Variants in LEMD1 observed in about 807,000 individuals in gnomAD.
LEMD1 encodes LEM domain-containing protein 1.
A neutral mutation model predicts 17.4 loss-of-function variants in LEMD1; 18 were observed. That is an observed-to-expected ratio of 1.04 (90% CI 0.72 to 1.54). LEMD1 has a LOEUF of 1.54. Among genes scored for constraint, LEMD1 ranks in the 40% most tolerant of loss-of-function variants. The probability of loss-of-function intolerance (pLI) is 0.00; values close to 1 mark genes in which losing one functional copy is unlikely to be tolerated. For synonymous variants in LEMD1, 88 were observed against 77.8 expected (o/e 1.13, Z -0.69); for missense variants, 195 against 210.4 (o/e 0.93, Z 0.45).
In LEMD1 at chr1:205,411,207, A is replaced by G. The variant is rs370993256; in HGVS notation, c.270+5025T>C. ...GAAGGAAAGGAAGGAAGGAAGGAAG[A>G]AAGAAAGAAAGGAAGGAAGGAGGGA... On this transcript the variant is annotated intron_variant, in intron 4 of 5. Coordinates refer to ENST00000367153, the MANE Select transcript of LEMD1 (RefSeq NM_001199050.2). Among the ~76,000 whole-genome samples the G allele has an allele frequency of 8.4e-3, 1,201 of 143,446 alleles. 4 individuals carry two copies. Among genetic ancestry groups the G allele is most frequent in the South Asian group, 0.017 (73 of 4,308 alleles). 94.1% of individuals were successfully genotyped at this position (143,446 alleles called of 152,430 possible).
At chr1:205,424,992 C>T (rs564596455), upstream of LEMD1, among the ~76,000 whole-genome samples, 42 of 152,250 alleles carry the variant, frequency 2.8e-4, no homozygotes, top group African/African-American at 9.4e-4. Flanking sequence ...GGAAGACACA[C>T]GATTCATGAA....
At chr1:205,435,537 G>T (rs189496713) in intron 1 of LEMD1, 1 of 152,246 alleles carries the variant, frequency 6.6e-6, no homozygotes, top group East Asian at 1.9e-4. Flanking sequence ...TTTGGTGGAG[G>T]GACAGAAGAA....
At chr1:205,381,938 G>T in intron 5 of LEMD1, 82 bp from the exon 6 acceptor site, 1 of 1,325,360 alleles carries the variant, frequency 7.5e-7, no homozygotes, top group Non-Finnish European at 1.1e-6. Context: ...GGGTCTTGAA[G>T]CCCAAGGGTG....
rs768272291 is a variant in LEMD1, at chr1:205,381,724, C to T, written c.480G>A (p.Val160=). 11 of 1,614,112 alleles carry T rather than the reference C, an allele frequency of 6.8e-6. No individual in the cohort carries two copies. The African/African-American group carries it at 1.1e-4, about 16-fold the overall frequency. The change falls in exon 6 of 6, where the codon GTG becomes GTA. Residue 160 remains valine (V), a synonymous_variant. Coordinates refer to ENST00000367153, the MANE Select transcript of LEMD1 (RefSeq NM_001199050.2). ...ACACCACAATGATGAAAATACCAAG[C>T]ACAGCAAGCTTCAAGCCCACTGGGA... ...EGFPVGLKLA[V]LGIFIIVVFV...
chr1:205,426,433 G>A (rs1249744822), upstream of LEMD1, among the ~76,000 whole-genome samples: 1 of 152,198 alleles, frequency 6.6e-6, no homozygotes, highest in Non-Finnish European at 1.5e-5. Context: ...TACCAATAGA[G>A]TGGTAGCCAT....
intron 2 of LEMD1, among the ~76,000 whole-genome samples, chr1:205,419,765 C>G (rs182517849): frequency 4.6e-5 from 7 of 152,166 alleles, no homozygotes; most frequent in Non-Finnish European, 8.8e-5. Flanking sequence ...TGCGCCCTGC[C>G]CAATTACGGC....
In LEMD1 at chr1:205,433,371, C is replaced by T. The variant is rs868502600; in HGVS notation, c.-38-12797G>A. 6.6e-5 allele frequency among the ~76,000 whole-genome samples: 10 copies of T among 152,176 alleles called. No individual in the cohort carries two copies. The East Asian group carries it at 7.8e-4, about 12-fold the overall frequency. ...ACTTGGGAGGCTGAGGCAGGAGAAT[C>T]GCTTGAGCCCAACAGGCAGAGGTTG... On this transcript the variant is annotated intron_variant, in intron 1 of 3. Coordinates refer to the LEMD1 transcript ENST00000367154.
In LEMD1 at chr1:205,381,693, A is replaced by C. The variant is rs1663700995; in HGVS notation, c.511T>G (p.Tyr171Asp). 6 of 1,614,138 alleles carry C rather than the reference A, an allele frequency of 3.7e-6. No homozygotes were observed. Among genetic ancestry groups the C allele is most frequent in the Non-Finnish European group, 5.1e-6 (6 of 1,180,048 alleles). Residue 171 changes from tyrosine to aspartate, a missense_variant, in exon 6 of 6, where the codon TAC becomes GAC. Physicochemically the swap from Tyr to Asp is radical, Grantham distance 160. Transcript: ENST00000367153. ...AGCGACTTATTTTCCACAGTCAGGTAGACAAACACCACAATGATGAAAATA... is the reference window on the plus strand; with the variant it reads ...AGCGACTTATTTTCCACAGTCAGGTCGACAAACACCACAATGATGAAAATA... ...LGIFIIVVFVYLTVENKSLFG is the reference protein window; with the variant it reads ...LGIFIIVVFVDLTVENKSLFG
intron 4 of LEMD1, among the ~76,000 whole-genome samples, chr1:205,392,541 T>TAA (rs375949621): frequency 6.7e-6 from 1 of 148,404 alleles, no homozygotes; most frequent in African/African-American, 2.5e-5. Context: ...AATCCCGCCT[T>TAA]AAAAAAAAAC....
intron 1 of LEMD1, among the ~76,000 whole-genome samples, chr1:205,432,232 G>A (rs926599903): frequency 1.3e-5 from 2 of 152,250 alleles, no homozygotes; most frequent in Non-Finnish European, 2.9e-5. Context: ...GCATAAGTGT[G>A]TGTAGACATG....
At chr1:205,424,598 G>T (rs1476493475), upstream of LEMD1, among the ~76,000 whole-genome samples, 1 of 152,186 alleles carries the variant, frequency 6.6e-6, no homozygotes, top group Non-Finnish European at 1.5e-5. Context: ...AGAGTGAAAA[G>T]AATGCTGCAG....
chr1:205,426,413 C>T (rs186385715), upstream of LEMD1, among the ~76,000 whole-genome samples: 3 of 152,306 alleles, frequency 2.0e-5, no homozygotes, highest in East Asian at 5.8e-4. Flanking sequence ...AGTGAAAGTT[C>T]ATAATCAAAT....
At chr1:205,435,877 C>G (rs1362205121) in intron 1 of LEMD1, 1 of 152,222 alleles carries the variant, frequency 6.6e-6, no homozygotes, top group East Asian at 1.9e-4. Flanking sequence ...TTCCCCCTGG[C>G]TGAGGGGTGA....
At chr1:205,445,353 C>T (rs571339193) in intron 1 of LEMD1, among the ~76,000 whole-genome samples, 3 of 152,322 alleles carry the variant, frequency 2.0e-5, no homozygotes, top group South Asian at 2.1e-4. Context: ...GACTTCTTCC[C>T]GGAGTTGGCA....
rs187512919 is a variant in LEMD1 at position 205,431,153 on chromosome 1, C to G, written c.-38-10579G>C. The stretch of plus-strand genomic sequence containing the variant: ...TTTACACACTATTTCTTGTCTATTA[C>G]CTGAAAAAGGAGACGTTAGCCAACA... On this transcript the variant is annotated intron_variant, in intron 1 of 3. Coordinates refer to the LEMD1 transcript ENST00000367154. Among the ~76,000 whole-genome samples, 300 of 152,314 alleles carry G rather than the reference C, an allele frequency of 2.0e-3. 2 individuals carry two copies. The highest frequency in any genetic ancestry group is 6.9e-3 in the African/African-American group (286 of 41,566).
At chr1:205,412,865 C>T (rs748468330) in intron 4 of LEMD1, among the ~76,000 whole-genome samples, 6 of 152,198 alleles carry the variant, frequency 3.9e-5, no homozygotes, top group Admixed American at 1.3e-4. Context: ...CTGGTCCTAG[C>T]TGATGCATTT....
intron 4 of LEMD1, among the ~76,000 whole-genome samples, chr1:205,388,591 C>A (rs897339919): frequency 2.6e-5 from 4 of 152,182 alleles, no homozygotes; most frequent in Non-Finnish European, 5.9e-5. Flanking sequence ...TTGCCCTAGA[C>A]AACACAATTC....
chr1:205,431,524 C>G (rs1057428576), intron 1 of LEMD1, among the ~76,000 whole-genome samples: 1 of 152,190 alleles, frequency 6.6e-6, no homozygotes, highest in African/African-American at 2.4e-5. Flanking sequence ...TAGGCCGCCA[C>G]AGATAGTAAA....
At chr1:205,438,046 G>A (rs1017750654) in intron 1 of LEMD1, among the ~76,000 whole-genome samples, 1 of 152,174 alleles carries the variant, frequency 6.6e-6, no homozygotes, top group Admixed American at 6.5e-5. Flanking sequence ...TTCAACCTGA[G>A]ACAAGAAGCC....
Sources: allele counts gnomAD v4.1 joint callset (sites outside exome capture counted in the v4.1 genomes callset), GRCh38; gene constraint gnomAD v4.1.1; transcripts MANE v1.5; gene names NCBI Gene and HGNC (gene_info 2026-07-23, HGNC 2026-07-21).